The following VPS26A variants were observed in gnomAD, a reference collection of about 807,000 sequenced individuals.
The protein encoded by VPS26A is vacuolar protein sorting-associated protein 26A.
VPS26A carries 22 observed loss-of-function variants against 42.4 expected under a neutral mutation model. That is an observed-to-expected ratio of 0.52 (90% CI 0.37 to 0.74). VPS26A has a LOEUF of 0.74. Among genes scored for constraint, VPS26A ranks in the 30% least tolerant of loss-of-function variants. VPS26A has a pLI of 0.00. For synonymous variants in VPS26A, 110 were observed against 123.5 expected, an observed-to-expected ratio of 0.89 and a Z score of 0.73; for missense variants, 276 against 379.2, an observed-to-expected ratio of 0.73 and a Z score of 2.26.
intron 5 of VPS26A, among the ~76,000 whole-genome samples, chr10:69,159,190 G>T (rs1298427493): frequency 2.6e-5 from 4 of 152,064 alleles, no homozygotes; most frequent in Admixed American, 6.5e-5. Flanking sequence ...AGACCAGCAT[G>T]GTCAACATGG....
At chr10:69,167,007 A>G (rs12414915) in intron 7 of VPS26A, among the ~76,000 whole-genome samples, 8,541 of 151,846 alleles carry the variant, frequency 0.056, 570 homozygotes, top group East Asian at 0.3. Context: ...CACGTCTGTC[A>G]TCCCAGCTAC....
At chr10:69,137,136 G>A (rs561712273) in intron 2 of VPS26A, among the ~76,000 whole-genome samples, 182 of 152,178 alleles carry the variant, frequency 1.2e-3, no homozygotes, top group Non-Finnish European at 2.5e-3. Context: ...ATCTTCCAAA[G>A]GTGTAAACTA....
At chr10:69,128,928 C>T (rs1263481686) in intron 1 of VPS26A, among the ~76,000 whole-genome samples, 1 of 132,838 alleles carries the variant, frequency 7.5e-6, no homozygotes, top group Non-Finnish European at 1.5e-5. Context: ...GCCCATGAGG[C>T]AGAAGTTGCA....
rs1841877101 is a variant in VPS26A, at chr10:69,174,017, A to G, written c.*2748A>G. 6.6e-6 allele frequency among the ~76,000 whole-genome samples: 1 copy of G among 152,220 alleles called. No homozygotes were observed. The highest frequency in any genetic ancestry group is 1.5e-5 in the Non-Finnish European group (1 of 68,036). ...CAACCAGTGTTCTGTAGAATGGACC[A>G]ATCAGCAGGACGTGGGCGGGGACAA... On this transcript the variant is annotated 3_prime_UTR_variant, in exon 9 of 9. Coordinates refer to ENST00000263559, the MANE Select transcript of VPS26A (RefSeq NM_004896.5).
chr10:69,166,090 T>C lies in VPS26A; in HGVS notation c.707T>C (p.Met236Thr). Residue 236 changes from methionine to threonine, a missense_variant, in exon 7 of 9, where the codon ATG becomes ACG. Transcript: ENST00000263559. ...ETETIAKYEI[M>T]DGAPVKGESI... ...GAAACAATCGCCAAATATGAAATAA[T>C]GGATGGTGCACCAGTAAAAGGTAAC... 1 of 1,614,098 alleles carries C rather than the reference T, an allele frequency of 6.2e-7. No homozygotes were observed. Among genetic ancestry groups the C allele is most frequent in the South Asian group, 1.1e-5 (1 of 91,080 alleles).
chr10:69,124,358 G>T, intron 1 of VPS26A, 78 bp downstream of exon 1: 1 of 1,220,338 alleles, frequency 8.2e-7, no homozygotes, highest in South Asian at 4.1e-5. Flanking sequence ...CCGCGGGCCG[G>T]GCGTCGCCGG....
intron 1 of VPS26A, among the ~76,000 whole-genome samples, chr10:69,126,970 A>T (rs7475544): frequency 0.058 from 8,796 of 150,438 alleles, 291 homozygotes; most frequent in South Asian, 0.13. Flanking sequence ...TATTATTATT[A>T]TTTTTTGAGA....
At position 69,158,132 on chromosome 10, in the gene VPS26A, C is replaced by T. The variant is rs761116648; in HGVS notation, c.472C>T (p.Pro158Ser). ...DLIVHQLATYPDVNNSIKMEV... is the reference protein window; with the variant it reads ...DLIVHQLATYSDVNNSIKMEV... ...TATTGTTCACCAGCTTGCCACCTATCCTGATGTTAACAACTCTATTAAGAT... is the reference window on the plus strand; with the variant it reads ...TATTGTTCACCAGCTTGCCACCTATTCTGATGTTAACAACTCTATTAAGAT... The change falls in exon 5 of 9, where the codon CCT (proline) becomes TCT (serine). Residue 158 changes from proline (P) to serine (S), a missense_variant. Coordinates refer to ENST00000263559, the MANE Select transcript of VPS26A (RefSeq NM_004896.5). 3 of 1,613,086 alleles carry T rather than the reference C, an allele frequency of 1.9e-6. No homozygotes were observed. The highest frequency in any genetic ancestry group is 2.5e-6 in the Non-Finnish European group (3 of 1,179,500).
chr10:69,168,813 T>G (rs557967812), intron 8 of VPS26A, among the ~76,000 whole-genome samples, 182 bp downstream of exon 8: 1 of 152,338 alleles, frequency 6.6e-6, no homozygotes, highest in East Asian at 1.9e-4. Flanking sequence ...TCCCCAATCA[T>G]TCTGCAGTAC....
chr10:69,174,230 G>T lies in VPS26A; in HGVS notation c.*2961G>T, dbSNP rs1841884284. 1.3e-5 allele frequency among the ~76,000 whole-genome samples: 2 copies of T among 152,138 alleles called. No individual in the cohort carries two copies. On this transcript the variant is annotated 3_prime_UTR_variant, in exon 9 of 9. Coordinates refer to ENST00000263559, the MANE Select transcript of VPS26A (RefSeq NM_004896.5). ...GTCCACGGCTCCGTTAAGTCAGCGA[G>T]ACCGCAAACCCACTGGAAGGAACCA...
rs1328178227 is a variant in VPS26A at position 69,133,041 on chromosome 10, A to G, written c.147A>G (p.Ser49=). The stretch of plus-strand genomic sequence containing the variant: ...TCTTCTATGACGGAGAATCCGTTTC[A>G]GGAAAGGTAAATCTTCTGTTTGACA... The part of the protein sequence containing the change: ...HYLFYDGESV[S]GKVNLAFKQP... The change falls in exon 2 of 9, where the codon TCA becomes TCG. Residue 49 remains serine, a synonymous_variant. Transcript: ENST00000263559. 14 of 1,604,498 alleles carry G rather than the reference A, an allele frequency of 8.7e-6. No homozygotes were observed. The highest frequency in any genetic ancestry group is 1.2e-5 in the Non-Finnish European group (14 of 1,177,864).
At chr10:69,137,587 C>T (rs1198615140) in intron 2 of VPS26A, among the ~76,000 whole-genome samples, 5 of 152,172 alleles carry the variant, frequency 3.3e-5, no homozygotes, top group African/African-American at 1.2e-4. Context: ...TGACATTCAT[C>T]TTCTTTTAAA....
intron 1 of VPS26A, among the ~76,000 whole-genome samples, chr10:69,127,618 A>C (rs1433160949): frequency 6.6e-6 from 1 of 151,792 alleles, no homozygotes; most frequent in Non-Finnish European, 1.5e-5. Context: ...GTTAAAGTGC[A>C]GTAATTTATT....
chr10:69,130,466 G>T (rs2132184850), intron 1 of VPS26A, among the ~76,000 whole-genome samples: 1 of 152,340 alleles, frequency 6.6e-6, no homozygotes, highest in South Asian at 2.1e-4. Context: ...AACGTTGGAG[G>T]CTGAGTAGTT....
intron 2 of VPS26A, among the ~76,000 whole-genome samples, chr10:69,144,098 A>G (rs1841103135): frequency 6.6e-6 from 1 of 152,126 alleles, no homozygotes; most frequent in Non-Finnish European, 1.5e-5. Context: ...CATACTCAAG[A>G]GCTCTTTTAA....
intron 4 of VPS26A, 39 bp from the exon 5 acceptor site, chr10:69,158,008 C>T: frequency 6.6e-7 from 1 of 1,512,340 alleles, no homozygotes; most frequent in South Asian, 1.3e-5. Context: ...AAATTTATCA[C>T]AGGTGATTTA....
At chr10:69,169,796 A>G (rs768316386) in intron 8 of VPS26A, among the ~76,000 whole-genome samples, 4 of 151,706 alleles carry the variant, frequency 2.6e-5, no homozygotes, top group Non-Finnish European at 4.4e-5. Flanking sequence ...TTTAGTAGAG[A>G]CTGGGTTTCA....
chr10:69,128,582 A>G (rs1421033988), intron 1 of VPS26A, among the ~76,000 whole-genome samples: 1 of 152,126 alleles, frequency 6.6e-6, no homozygotes, highest in African/African-American at 2.4e-5. Flanking sequence ...CTGTGTGTTT[A>G]GGTATATGCA....
At chr10:69,142,518 G>A (rs1343581454) in intron 2 of VPS26A, among the ~76,000 whole-genome samples, 1 of 151,982 alleles carries the variant, frequency 6.6e-6, no homozygotes, top group Non-Finnish European at 1.5e-5. Flanking sequence ...AGATTATCTT[G>A]TGTTCAGTAA....
Sources: gnomAD v4.1 joint callset for allele counts (sites outside exome capture counted in the v4.1 genomes callset) on GRCh38, gnomAD v4.1.1 for gene constraint, MANE v1.5 for transcripts, NCBI Gene and HGNC (gene_info 2026-07-23, HGNC 2026-07-21) for gene names.